The following HLCS variants were observed in gnomAD, a reference collection of about 807,000 sequenced individuals.
HLCS encodes the protein biotin--protein ligase.
HLCS carries 53 observed loss-of-function variants against 75.0 expected under a neutral mutation model. That is an observed-to-expected ratio of 0.71 (90% CI 0.57 to 0.89). HLCS has a LOEUF of 0.89. Ranked by LOEUF, HLCS falls within the 40% of genes least tolerant of loss-of-function variation. The pLI, the probability that HLCS is intolerant of heterozygous loss-of-function variation, is 0.00. For missense variants in HLCS, 966 were observed against 1,074.0 expected (o/e 0.90, Z 1.41); for synonymous variants, 431 against 428.6 (o/e 1.01, Z -0.07).
intron 6 of HLCS, among the ~76,000 whole-genome samples, chr21:36,817,272 C>A (rs967158986): frequency 6.6e-5 from 10 of 152,152 alleles, no homozygotes; most frequent in African/African-American, 2.4e-4. Context: ...TAACCATTTA[C>A]GTCTTTGCTC....
At position 36,927,662 on chromosome 21, in the gene HLCS, C is replaced by G. The variant is rs528977285; in HGVS notation, c.1620+2589G>C. 3.9e-5 allele frequency among the ~76,000 whole-genome samples: 6 copies of G among 152,036 alleles called. No individual in the cohort carries two copies. In the South Asian group the frequency reaches 1.3e-3, roughly 32 times the overall value. ...GGACATTGAAATAATTTCTGCAGACCCAAAAGAAAGTGCCACCAATATAAT... is the reference window on the plus strand; with the variant it reads ...GGACATTGAAATAATTTCTGCAGACGCAAAAGAAAGTGCCACCAATATAAT... On this transcript the variant is annotated intron_variant, in intron 5 of 10. Transcript: ENST00000674895.
At chr21:36,778,466 A>T (rs1000630129) in intron 6 of HLCS, among the ~76,000 whole-genome samples, 1 of 151,754 alleles carries the variant, frequency 6.6e-6, no homozygotes, top group African/African-American at 2.4e-5. Flanking sequence ...TTTAGTACAG[A>T]CAGGGTTTCT....
chr21:36,756,220 C>G (rs77945621), intron 10 of HLCS, among the ~76,000 whole-genome samples: 1 of 151,914 alleles, frequency 6.6e-6, no homozygotes, highest in South Asian at 2.1e-4. Flanking sequence ...GGGCAGATCA[C>G]AAGGTCAGGA....
intron 6 of HLCS, among the ~76,000 whole-genome samples, chr21:36,852,649 C>A (rs1186348526): frequency 6.6e-6 from 1 of 152,202 alleles, no homozygotes; most frequent in Non-Finnish European, 1.5e-5. Context: ...GCACACCTCT[C>A]AGAGGGGTAC....
chr21:36,925,761 A>T (rs1357869157), intron 5 of HLCS, among the ~76,000 whole-genome samples: 1 of 152,214 alleles, frequency 6.6e-6, no homozygotes, highest in Non-Finnish European at 1.5e-5. Context: ...TCTTTCTGCC[A>T]TTGCTCTGGC....
intron 6 of HLCS, among the ~76,000 whole-genome samples, chr21:36,831,368 C>T (rs1239136922): frequency 1.3e-5 from 2 of 152,094 alleles, no homozygotes; most frequent in Non-Finnish European, 2.9e-5. Context: ...AAATAAATTA[C>T]ATGTCTCAGA....
chr21:36,960,849 T>A (rs1399488760), intron 2 of HLCS, among the ~76,000 whole-genome samples: 2 of 152,194 alleles, frequency 1.3e-5, no homozygotes, highest in African/African-American at 4.8e-5. Context: ...CCTGGAGGGA[T>A]GACATCCACC....
intron 6 of HLCS, among the ~76,000 whole-genome samples, chr21:36,812,053 C>T (rs891029292): frequency 1.3e-5 from 2 of 152,160 alleles, no homozygotes; most frequent in Non-Finnish European, 2.9e-5. Flanking sequence ...TGGGTGGCTC[C>T]TTCCACCCCA....
At chr21:36,954,458 T>C (rs995489268) in intron 2 of HLCS, among the ~76,000 whole-genome samples, 1 of 147,214 alleles carries the variant, frequency 6.8e-6, no homozygotes, top group African/African-American at 2.5e-5. Flanking sequence ...ACTAAAAAAA[T>C]ACAAAAAATT....
At chr21:36,867,533 T>C (rs779227681) in intron 6 of HLCS, among the ~76,000 whole-genome samples, 2 of 152,200 alleles carry the variant, frequency 1.3e-5, no homozygotes, top group East Asian at 1.9e-4. Flanking sequence ...CAATGAAGCA[T>C]ACCACTCCAG....
intron 1 of HLCS, among the ~76,000 whole-genome samples, chr21:36,987,770 C>T (rs74976872): frequency 0.027 from 4,127 of 152,168 alleles, 92 homozygotes; most frequent in Admixed American, 0.039. Flanking sequence ...TTTTATCTTT[C>T]TTCTCTCATA....
At chr21:36,797,623 C>A (rs1301034507) in intron 6 of HLCS, among the ~76,000 whole-genome samples, 1 of 152,152 alleles carries the variant, frequency 6.6e-6, no homozygotes, top group African/African-American at 2.4e-5. Flanking sequence ...GAATTAAATG[C>A]ATCTGCACTT....
chr21:36,764,996 A>G lies in HLCS; in HGVS notation c.2121+16T>C, dbSNP rs1301829489. ...ATGCATCCCAGGGACATAGAAGGAG[A>G]CTGAACTGTACCTACCTGATACTCG... On this transcript the variant is annotated intron_variant, in intron 8 of 10. Transcript: ENST00000674895. The G allele has an allele frequency of 2.5e-6, 4 of 1,613,776 alleles. No individual in the cohort carries two copies. Among genetic ancestry groups the G allele is most frequent in the Non-Finnish European group, 3.4e-6 (4 of 1,179,696 alleles).
chr21:36,829,119 T>TCA (rs1165011862), intron 6 of HLCS, among the ~76,000 whole-genome samples: 1 of 152,214 alleles, frequency 6.6e-6, no homozygotes, highest in African/African-American at 2.4e-5. Flanking sequence ...AGGATCTAGC[T>TCA]CACACATCAT....
chr21:36,795,849 A>G (rs1233454939), intron 6 of HLCS, among the ~76,000 whole-genome samples: 1 of 152,276 alleles, frequency 6.6e-6, no homozygotes, highest in African/African-American at 2.4e-5. Context: ...TGTCAAATGA[A>G]TGAGCGAATA....
intron 6 of HLCS, among the ~76,000 whole-genome samples, chr21:36,818,917 C>T (rs2061742607): frequency 6.6e-6 from 1 of 152,134 alleles, no homozygotes; most frequent in Non-Finnish European, 1.5e-5. Flanking sequence ...CTGGAAATTA[C>T]ACCTTGACGA....
chr21:36,814,345 G>A (rs375633592), intron 6 of HLCS, among the ~76,000 whole-genome samples: 125 of 152,182 alleles, frequency 8.2e-4, no homozygotes, highest in Middle Eastern at 6.8e-3. Flanking sequence ...TTCCAACTAG[G>A]GCTGTCAGAT....
chr21:36,911,183 T>C (rs1168010093), intron 5 of HLCS, among the ~76,000 whole-genome samples: 3 of 152,182 alleles, frequency 2.0e-5, no homozygotes, highest in Non-Finnish European at 4.4e-5. Context: ...GTAGCCACCC[T>C]CATCCCGTGG....
At chr21:36,933,671 G>A (rs2066751571) in intron 4 of HLCS, among the ~76,000 whole-genome samples, 1 of 151,970 alleles carries the variant, frequency 6.6e-6, no homozygotes, top group African/African-American at 2.4e-5. Context: ...ATAGCGGCGA[G>A]ACCCGTTTAA....
Sources: gnomAD v4.1 joint callset for allele counts (sites outside exome capture counted in the v4.1 genomes callset) on GRCh38, gnomAD v4.1.1 for gene constraint, MANE v1.5 for transcripts, NCBI Gene and HGNC (gene_info 2026-07-23, HGNC 2026-07-21) for gene names.